SOS1: variants seen among roughly 807,000 people sequenced by gnomAD.
SOS1 encodes the protein SOS Ras/Rac guanine nucleotide exchange factor 1, also known as son of sevenless homolog 1.
SOS1 carries 25 observed loss-of-function variants against 157.6 expected under a neutral mutation model. That is an observed-to-expected ratio of 0.16 (90% CI 0.12 to 0.22). The LOEUF is 0.22. Ranked by LOEUF, SOS1 falls within the 10% of genes least tolerant of loss-of-function variation. The pLI is 1.00. For missense variants in SOS1, 1,237 were observed against 1,599.1 expected (o/e 0.77, Z 3.86); for synonymous variants, 528 against 534.0 (o/e 0.99, Z 0.16).
At chr2:39,123,956 A>C (rs901393711), upstream of SOS1, among the ~76,000 whole-genome samples, 30 of 152,200 alleles carry the variant, frequency 2.0e-4, no homozygotes, top group African/African-American at 6.8e-4. Context: ...CCCTAGAAAC[A>C]TGGGTTACAG....
intron 1 of SOS1, among the ~76,000 whole-genome samples, chr2:39,097,219 T>G (rs1245018108): frequency 6.6e-6 from 1 of 152,236 alleles, no homozygotes; most frequent in Non-Finnish European, 1.5e-5. Flanking sequence ...CATGACTATA[T>G]AACACTTTAT....
intron 21 of SOS1, 23 bp from the exon 22 acceptor site, chr2:38,987,614 G>A (rs756598214): frequency 8.8e-7 from 1 of 1,137,592 alleles, no homozygotes; most frequent in Non-Finnish European, 1.3e-6. Flanking sequence ...AAATTTTTAA[G>A]AAAAAGTCCA....
intron 1 of SOS1, among the ~76,000 whole-genome samples, chr2:39,094,614 C>T (rs1672706591): frequency 6.6e-6 from 1 of 151,846 alleles, no homozygotes. Context: ...GACTGTACCA[C>T]TGCACTCCAG....
chr2:39,052,620 A>G (rs866390286), intron 5 of SOS1, among the ~76,000 whole-genome samples: 2 of 152,196 alleles, frequency 1.3e-5, no homozygotes, highest in South Asian at 2.1e-4. Context: ...TGTTGCACGC[A>G]TAACTATTTC....
chr2:39,034,591 A>G (rs1670278861), intron 8 of SOS1, among the ~76,000 whole-genome samples: 1 of 152,240 alleles, frequency 6.6e-6, no homozygotes, highest in Non-Finnish European at 1.5e-5. Context: ...TAATTTCAGT[A>G]TATAACAGGA....
intron 1 of SOS1, among the ~76,000 whole-genome samples, chr2:39,096,624 G>A (rs1205692999): frequency 1.3e-5 from 2 of 152,110 alleles, no homozygotes; most frequent in South Asian, 2.1e-4. Flanking sequence ...GGTGGTCCAC[G>A]CCTGTAATCC....
At chr2:39,031,317 T>G (rs1207827573) in intron 8 of SOS1, among the ~76,000 whole-genome samples, 3 of 152,182 alleles carry the variant, frequency 2.0e-5, no homozygotes, top group Non-Finnish European at 2.9e-5. Context: ...CTGGATGGTT[T>G]TTTCTAAGGT....
At position 39,010,605 on chromosome 2, in the gene SOS1, T is replaced by A. The variant is rs397517158; in HGVS notation, c.2489A>T (p.Asn830Ile). The A allele has an allele frequency of 4.3e-6, 7 of 1,610,970 alleles. No homozygotes were observed. Among genetic ancestry groups the A allele is most frequent in the Non-Finnish European group, 5.9e-6 (7 of 1,177,230 alleles). ...TTACTTCTCAAACCACAGAGTGAGG[T>A]TGGTGGTATGTCGAATCATTTTCAG... ...NLLKMIRHTT[N>I]LTLWFEKCIV... is the part of the protein sequence containing the mutation. The change falls in exon 15 of 23, where the codon AAC (asparagine) becomes ATC (isoleucine). Residue 830 changes from asparagine (N) to isoleucine (I), a missense_variant. By Grantham distance (149) the Asn-to-Ile change is moderately radical. Transcript: ENST00000402219.
chr2:39,097,092 T>C (rs187768023), intron 1 of SOS1, among the ~76,000 whole-genome samples: 1 of 152,274 alleles, frequency 6.6e-6, no homozygotes, highest in East Asian at 1.9e-4. Context: ...CATTCTTTAC[T>C]ATTTTCTTAA....
At chr2:39,101,620 A>T (rs1251491074) in intron 1 of SOS1, among the ~76,000 whole-genome samples, 3 of 152,202 alleles carry the variant, frequency 2.0e-5, no homozygotes, top group African/African-American at 7.2e-5. Flanking sequence ...CATTTATATT[A>T]GGAGTATAAG....
upstream of SOS1, chr2:39,124,255 G>C (rs1170204297): frequency 6.6e-6 from 1 of 152,346 alleles, no homozygotes; most frequent in African/African-American, 2.4e-5. Context: ...GGCACGTGTA[G>C]ACGTAAAAGT....
chr2:39,107,254 C>T (rs1673229533), intron 1 of SOS1, among the ~76,000 whole-genome samples: 1 of 152,094 alleles, frequency 6.6e-6, no homozygotes, highest in Non-Finnish European at 1.5e-5. Context: ...AGACTGAGTG[C>T]TGCAGCAGCT....
At position 39,029,991 on chromosome 2, in the gene SOS1, G is replaced by A. The variant is rs76391552; in HGVS notation, c.1074+5221C>T. ...AGACCACCCTGGGCAACAGAGCGAC[G>A]TCTCATCTCTACAAATAAAAATTTT... On this transcript the variant is annotated intron_variant, in intron 8 of 22. Transcript: ENST00000402219. 7.4e-3 allele frequency among the ~76,000 whole-genome samples: 1,111 copies of A among 150,738 alleles called. 11 individuals carry two copies. Among genetic ancestry groups the A allele is most frequent in the African/African-American group, 0.026 (1,059 of 41,126 alleles).
chr2:39,003,073 A>AAAACAAACAAAC (rs11272244), intron 17 of SOS1, among the ~76,000 whole-genome samples: 72,760 of 148,060 alleles, frequency 0.49, 21,527 homozygotes, highest in East Asian at 0.64. Context: ...TATCAAAAAA[A>AAAACAAACAAAC]AAAAAGAACG....
At chr2:39,119,307 C>T (rs538692153) in intron 1 of SOS1, among the ~76,000 whole-genome samples, 3 of 152,098 alleles carry the variant, frequency 2.0e-5, no homozygotes, top group Non-Finnish European at 4.4e-5. Context: ...CCTGAAAAAC[C>T]AAATAGTTTC....
chr2:39,093,854 C>T (rs1439567535), intron 1 of SOS1, among the ~76,000 whole-genome samples: 2 of 152,186 alleles, frequency 1.3e-5, no homozygotes, highest in Non-Finnish European at 2.9e-5. Flanking sequence ...ACCAAAAGTT[C>T]ATTGCTATAG....
chr2:38,990,161 T>G (rs917518211), intron 20 of SOS1, among the ~76,000 whole-genome samples: 18 of 151,124 alleles, frequency 1.2e-4, no homozygotes, highest in Admixed American at 1.1e-3. Flanking sequence ...TTTTTTAAAT[T>G]CAGATTTCGT....
chr2:39,095,120 C>CA (rs1257363752), intron 1 of SOS1, among the ~76,000 whole-genome samples: 1 of 152,188 alleles, frequency 6.6e-6, no homozygotes, highest in Non-Finnish European at 1.5e-5. Flanking sequence ...TTAAAAACCT[C>CA]AGTTACAAAC....
At chr2:39,106,589 TCAAAAAAAAAAA>T (rs923193686) in intron 1 of SOS1, among the ~76,000 whole-genome samples, 12 of 50,656 alleles carry the variant, frequency 2.4e-4, no homozygotes, top group African/African-American at 7.2e-4. Flanking sequence ...AGACTCCGTC[TCAAAAAAAAAAA>T]CAAAAAAAAA....
Sources: allele counts gnomAD v4.1 joint callset (sites outside exome capture counted in the v4.1 genomes callset), GRCh38; gene constraint gnomAD v4.1.1; transcripts MANE v1.5; gene names NCBI Gene and HGNC (gene_info 2026-07-23, HGNC 2026-07-21).